Variants in UGT8 observed in about 807,000 individuals in gnomAD.
The protein encoded by UGT8 is UDP glycosyltransferase 8.
A neutral mutation model predicts 40.5 loss-of-function variants in UGT8; 12 were observed. That is an observed-to-expected ratio of 0.30 (90% CI 0.19 to 0.48). The LOEUF (loss-of-function observed/expected upper bound fraction) is 0.48. Ranked by LOEUF, UGT8 falls within the 20% of genes least tolerant of loss-of-function variation. The probability of loss-of-function intolerance (pLI) is 0.99; values close to 1 mark genes in which losing one functional copy is unlikely to be tolerated. For synonymous variants in UGT8, 224 were observed against 240.4 expected, an observed-to-expected ratio of 0.93 and a Z score of 0.63; for missense variants, 513 against 648.7, an observed-to-expected ratio of 0.79 and a Z score of 2.27.
At position 114,621,142 on chromosome 4, in the gene UGT8, A is replaced by G. The variant is rs546003805; in HGVS notation, c.-2-1737A>G. ...AATAAAAGACAACTTTATTACACAT[A>G]TCTGTTAACATGAAAAGGTAGGAGA... On this transcript the variant is annotated intron_variant, in intron 1 of 5. Coordinates refer to ENST00000310836, the MANE Select transcript of UGT8 (RefSeq NM_001128174.3). 1.4e-4 allele frequency among the ~76,000 whole-genome samples: 22 copies of G among 151,930 alleles called. No individual in the cohort carries two copies. The South Asian group carries it at 1.7e-3, about 11-fold the overall frequency.
intron 2 of UGT8, among the ~76,000 whole-genome samples, chr4:114,624,329 T>C (rs1732050978): frequency 6.6e-6 from 1 of 152,230 alleles, no homozygotes; most frequent in Non-Finnish European, 1.5e-5. Context: ...GAAACTTAAA[T>C]TCTTTTTATT....
chr4:114,622,128 C>T (rs1425841927), intron 1 of UGT8, among the ~76,000 whole-genome samples: 1 of 134,212 alleles, frequency 7.5e-6, no homozygotes, highest in East Asian at 2.5e-4. Flanking sequence ...CAACAGTCCC[C>T]AGAGTGTGAT....
At chr4:114,610,324 C>T (rs1382738371) in intron 1 of UGT8, among the ~76,000 whole-genome samples, 2 of 152,104 alleles carry the variant, frequency 1.3e-5, no homozygotes, top group Non-Finnish European at 2.9e-5. Context: ...AATTGTGACT[C>T]ATTTATTTAA....
intron 2 of UGT8, among the ~76,000 whole-genome samples, chr4:114,637,751 G>A (rs1732974652): frequency 6.6e-6 from 1 of 152,124 alleles, no homozygotes; most frequent in Admixed American, 6.5e-5. Context: ...CTGCTAAACA[G>A]CTTGGTTATT....
intron 2 of UGT8, among the ~76,000 whole-genome samples, chr4:114,659,038 C>T (rs576552221): frequency 6.6e-6 from 1 of 152,108 alleles, no homozygotes; most frequent in African/African-American, 2.4e-5. Flanking sequence ...CAACAAGCCC[C>T]TCACTACATT....
chr4:114,624,995 C>A (rs1732106594), intron 2 of UGT8, among the ~76,000 whole-genome samples: 1 of 152,116 alleles, frequency 6.6e-6, no homozygotes, highest in Non-Finnish European at 1.5e-5. Flanking sequence ...AGTCACCTTC[C>A]TAAAGGTAGC....
chr4:114,671,254 G>A (rs1735255272), intron 5 of UGT8, among the ~76,000 whole-genome samples: 1 of 152,112 alleles, frequency 6.6e-6, no homozygotes, highest in Non-Finnish European at 1.5e-5. Context: ...TAGATTGAAT[G>A]CTATTCCCAT....
At chr4:114,652,648 TGAA>T (rs1733953708) in intron 2 of UGT8, among the ~76,000 whole-genome samples, 1 of 151,986 alleles carries the variant, frequency 6.6e-6, no homozygotes, top group South Asian at 2.1e-4. Flanking sequence ...GTCATGGTAT[TGAA>T]GGATTAGAAG....
At chr4:114,648,540 T>C (rs1429225204) in intron 2 of UGT8, among the ~76,000 whole-genome samples, 2 of 152,150 alleles carry the variant, frequency 1.3e-5, no homozygotes, top group Admixed American at 6.5e-5. Context: ...TGTCATGGAT[T>C]ATAATTAAAT....
intron 2 of UGT8, among the ~76,000 whole-genome samples, chr4:114,631,863 T>C (rs950881504): frequency 1.3e-5 from 2 of 152,236 alleles, no homozygotes; most frequent in Non-Finnish European, 2.9e-5. Flanking sequence ...CAAATGGATA[T>C]GTATCTAGAT....
At chr4:114,604,169 G>C (rs748279621) in intron 1 of UGT8, among the ~76,000 whole-genome samples, 24 of 152,094 alleles carry the variant, frequency 1.6e-4, no homozygotes, top group Non-Finnish European at 2.9e-4. Context: ...AAAGCACCTG[G>C]TAATTAAACC....
chr4:114,660,935 C>T (rs776171062), intron 2 of UGT8, among the ~76,000 whole-genome samples: 9 of 151,082 alleles, frequency 6.0e-5, no homozygotes, highest in Admixed American at 1.3e-4. Context: ...AACTTTTAAT[C>T]GCTCTTTGAC....
intron 5 of UGT8, among the ~76,000 whole-genome samples, chr4:114,668,617 A>G (rs1249048398): frequency 6.6e-6 from 1 of 152,256 alleles, no homozygotes; most frequent in South Asian, 2.1e-4. Flanking sequence ...CATACTTATA[A>G]CAGCTGTATA....
chr4:114,644,440 C>T (rs993540255), intron 2 of UGT8, among the ~76,000 whole-genome samples: 1 of 152,056 alleles, frequency 6.6e-6, no homozygotes, highest in Non-Finnish European at 1.5e-5. Context: ...GGAAGGCTTC[C>T]TGGACCCTTT....
intron 1 of UGT8, among the ~76,000 whole-genome samples, chr4:114,619,195 T>C (rs1425786320): frequency 6.6e-6 from 1 of 152,100 alleles, no homozygotes; most frequent in African/African-American, 2.4e-5. Context: ...ATTTATAACA[T>C]GGGAAGGATT....
intron 1 of UGT8, 88 bp from the exon 2 acceptor site, chr4:114,622,791 A>AT (rs1231092823): frequency 1.6e-6 from 2 of 1,233,042 alleles, no homozygotes; most frequent in Non-Finnish European, 2.2e-6. Flanking sequence ...TAGATCAGAT[A>AT]TTTTTGGGGA....
At chr4:114,662,816 C>CT (rs142469406) in intron 2 of UGT8, among the ~76,000 whole-genome samples, 7 of 53,200 alleles carry the variant, frequency 1.3e-4, no homozygotes, top group African/African-American at 4.8e-4. Context: ...TGTGACCATG[C>CT]TTTTTTTTTT....
chr4:114,662,414 G>T (rs191928598), intron 2 of UGT8, among the ~76,000 whole-genome samples: 12 of 152,306 alleles, frequency 7.9e-5, no homozygotes, highest in Admixed American at 7.2e-4. Context: ...TTGAAGTACA[G>T]TCTCTACTGA....
intron 2 of UGT8, among the ~76,000 whole-genome samples, chr4:114,631,671 C>A (rs1732586022): frequency 6.6e-6 from 1 of 152,182 alleles, no homozygotes; most frequent in Non-Finnish European, 1.5e-5. Context: ...CCTGGTCATG[C>A]TGATACTGTT....
Sources: allele counts gnomAD v4.1 joint callset (sites outside exome capture counted in the v4.1 genomes callset), GRCh38; gene constraint gnomAD v4.1.1; transcripts MANE v1.5; gene names NCBI Gene and HGNC (gene_info 2026-07-23, HGNC 2026-07-21).